NPAS3: variants seen among roughly 807,000 people sequenced by gnomAD.
The protein encoded by NPAS3 is neuronal PAS domain protein 3.
Under a neutral mutation model 73.1 loss-of-function variants are expected in NPAS3, and 14 were observed. The ratio of observed to expected loss-of-function variants is 0.19; its 90% confidence interval spans 0.13 to 0.30. The LOEUF is 0.30. Among genes scored for constraint, NPAS3 ranks in the 10% least tolerant of loss-of-function variants. The pLI is 1.00. For missense variants in NPAS3, 1,096 were observed against 1,250.0 expected, an observed-to-expected ratio of 0.88 and a Z score of 1.86; for synonymous variants, 620 against 541.5, an observed-to-expected ratio of 1.14 and a Z score of -2.01.
chr14:33,145,061 C>G (rs942968989), intron 2 of NPAS3, among the ~76,000 whole-genome samples: 1 of 152,138 alleles, frequency 6.6e-6, no homozygotes, highest in African/African-American at 2.4e-5. Context: ...CTCTTTCTCT[C>G]TCATGATATT....
At chr14:33,199,841 A>G (rs2046545888) in intron 2 of NPAS3, among the ~76,000 whole-genome samples, 1 of 151,604 alleles carries the variant, frequency 6.6e-6, no homozygotes, top group Non-Finnish European at 1.5e-5. Flanking sequence ...TACTATTTTT[A>G]ATCATGACTT....
intron 6 of NPAS3, among the ~76,000 whole-genome samples, chr14:33,702,823 G>A (rs1276990380): frequency 1.3e-5 from 2 of 152,194 alleles, no homozygotes; most frequent in African/African-American, 2.4e-5. Context: ...ACTCTTGTCA[G>A]TAAGGATTGA....
chr14:33,484,480 C>T (rs757308660), intron 4 of NPAS3, among the ~76,000 whole-genome samples: 4 of 152,136 alleles, frequency 2.6e-5, no homozygotes, highest in South Asian at 2.1e-4. Flanking sequence ...CACTCAGTAA[C>T]GGCCAAATGC....
intron 4 of NPAS3, among the ~76,000 whole-genome samples, chr14:33,546,753 A>G (rs1403161221): frequency 2.0e-5 from 3 of 152,222 alleles, no homozygotes; most frequent in South Asian, 2.1e-4. Context: ...AGGATACGTT[A>G]CTTGCACCTT....
At position 33,800,025 on chromosome 14, in the gene NPAS3, A is replaced by G; in HGVS notation, c.1718A>G (p.Glu573Gly). ...TCGGACCTGCGGCTGCAGAACTGCG[A>G]GTCACTCACGTCCGACAGCGCCAAG... The change falls in exon 12 of 12, where the codon GAG (glutamate) becomes GGG (glycine). Residue 573 changes from glutamate (E) to glycine (G), a missense_variant. By Grantham distance (98) the Glu-to-Gly change is moderately conservative. Transcript: ENST00000356141. The surrounding 1 kb of genome is among the most constrained non-coding windows in gnomAD (Gnocchi z 6.5). The G allele has an allele frequency of 6.2e-7, 1 of 1,610,954 alleles. No homozygotes were observed. The highest frequency in any genetic ancestry group is 8.5e-7 in the Non-Finnish European group (1 of 1,179,798).
intron 6 of NPAS3, among the ~76,000 whole-genome samples, chr14:33,689,735 G>GT (rs2060183443): frequency 6.6e-6 from 1 of 152,148 alleles, no homozygotes; most frequent in Non-Finnish European, 1.5e-5. Context: ...TACAATTTCT[G>GT]TTTTGCAGAT....
At chr14:33,449,123 A>G (rs2049665367) in intron 4 of NPAS3, among the ~76,000 whole-genome samples, 2 of 152,286 alleles carry the variant, frequency 1.3e-5, no homozygotes, top group South Asian at 2.1e-4. Flanking sequence ...TGTCTGCTGT[A>G]TGTCCACCGA....
intron 1 of NPAS3, among the ~76,000 whole-genome samples, chr14:33,040,992 G>T (rs943582696): frequency 5.9e-5 from 9 of 152,156 alleles, no homozygotes; most frequent in African/African-American, 2.2e-4. Flanking sequence ...AAGTGAGTTT[G>T]TCAAGGCTGC....
At chr14:33,202,773 T>G (rs941033391) in intron 2 of NPAS3, among the ~76,000 whole-genome samples, 17 of 152,082 alleles carry the variant, frequency 1.1e-4, no homozygotes, top group African/African-American at 4.1e-4. Flanking sequence ...CAGTTGGTTC[T>G]GAAGTAATCA....
intron 5 of NPAS3, among the ~76,000 whole-genome samples, chr14:33,583,087 T>C (rs61972981): frequency 0.19 from 29,153 of 150,786 alleles, 4,507 homozygotes; most frequent in African/African-American, 0.44. Context: ...TACTTATCAC[T>C]GTGGGTTGGT....
chr14:33,475,297 C>T (rs1462536383), intron 4 of NPAS3, among the ~76,000 whole-genome samples: 3 of 151,864 alleles, frequency 2.0e-5, no homozygotes, highest in African/African-American at 7.3e-5. Context: ...AAAGATTTTC[C>T]CCTTTTGTTG....
At chr14:33,796,096 A>T (rs2063505535) in intron 10 of NPAS3, among the ~76,000 whole-genome samples, 1 of 152,178 alleles carries the variant, frequency 6.6e-6, no homozygotes, top group African/African-American at 2.4e-5. Context: ...AGATCTAGTA[A>T]GAAAATGATG....
chr14:33,751,012 G>A (rs1226536345), intron 7 of NPAS3, among the ~76,000 whole-genome samples: 2 of 152,162 alleles, frequency 1.3e-5, no homozygotes, highest in Non-Finnish European at 2.9e-5. Context: ...TATCAATAAA[G>A]AGATGAAGGC....
intron 1 of NPAS3, among the ~76,000 whole-genome samples, chr14:33,048,811 C>T (rs1230533374): frequency 6.6e-6 from 1 of 152,204 alleles, no homozygotes. Flanking sequence ...ATATGGTGTT[C>T]TAACACTTAC....
chr14:33,780,542 G>A (rs1413999519), intron 9 of NPAS3: 9 of 427,284 alleles, frequency 2.1e-5, no homozygotes, highest in Middle Eastern at 6.8e-4. Flanking sequence ...GAAACCTGAG[G>A]CTGACAAAAA....
intron 4 of NPAS3, among the ~76,000 whole-genome samples, chr14:33,512,981 T>G (rs966913616): frequency 1.5e-4 from 23 of 152,060 alleles, no homozygotes; most frequent in South Asian, 6.2e-4. Context: ...CCAATGTGTT[T>G]GCAATTTTGA....
chr14:33,551,119 G>A (rs1326515013), intron 4 of NPAS3, among the ~76,000 whole-genome samples: 1 of 152,140 alleles, frequency 6.6e-6, no homozygotes, highest in Non-Finnish European at 1.5e-5. Flanking sequence ...TCCCCAACCA[G>A]AATTTCTGAA....
intron 2 of NPAS3, among the ~76,000 whole-genome samples, chr14:33,059,676 A>C (rs1262282957): frequency 2.0e-5 from 3 of 152,268 alleles, no homozygotes; most frequent in African/African-American, 7.2e-5. Flanking sequence ...TTTCATCAGA[A>C]GATGCAAAAG....
chr14:33,081,406 A>T (rs1414409689), intron 2 of NPAS3, among the ~76,000 whole-genome samples: 1 of 152,192 alleles, frequency 6.6e-6, no homozygotes, highest in East Asian at 1.9e-4. Context: ...TCAAGTACTA[A>T]AGTGTGTGTG....
Sources: allele counts gnomAD v4.1 joint callset (sites outside exome capture counted in the v4.1 genomes callset), GRCh38; gene constraint gnomAD v4.1.1; non-coding constraint Gnocchi (gnomAD v3.1); transcripts MANE v1.5; gene names NCBI Gene and HGNC (gene_info 2026-07-23, HGNC 2026-07-21).